The following KALRN variants were observed in gnomAD, a reference collection of about 807,000 sequenced individuals.
KALRN encodes kalirin RhoGEF kinase, also known as kalirin.
A neutral mutation model predicts 353.7 loss-of-function variants in KALRN; 70 were observed. The observed-to-expected ratio is 0.20, with a 90% CI of 0.16 to 0.24. KALRN has a LOEUF of 0.24. KALRN is among the 10% of genes least tolerant of loss of function. KALRN has a pLI of 1.00. For synonymous variants in KALRN, 1,391 were observed against 1,434.8 expected, an observed-to-expected ratio of 0.97 and a Z score of 0.69; for missense variants, 2,791 against 3,756.7, an observed-to-expected ratio of 0.74 and a Z score of 6.72.
intron 10 of KALRN, among the ~76,000 whole-genome samples, chr3:124,355,709 C>CT (rs3055894): frequency 0.11 from 10,895 of 96,524 alleles, 1,088 homozygotes; most frequent in African/African-American, 0.16. Flanking sequence ...TCTCTCCCAT[C>CT]TTTTTTTTTT....
chr3:124,699,900 G>C lies in KALRN; in HGVS notation c.7863G>C (p.Ser2621=). 1 of 1,614,166 alleles carries C rather than the reference G, an allele frequency of 6.2e-7. No individual in the cohort carries two copies. The highest frequency in any genetic ancestry group is 8.5e-7 in the Non-Finnish European group (1 of 1,180,026). ...GSQIWQQSVA[S]TLDTYLVIED... ...AGATCTGGCAGCAGTCAGTGGCTTCGACCTTGGACACTTACCTCGTCATCG... is the reference window on the plus strand; with the variant it reads ...AGATCTGGCAGCAGTCAGTGGCTTCCACCTTGGACACTTACCTCGTCATCG... Residue 2621 remains serine (S), a synonymous_variant, in exon 56 of 60, where the codon TCG becomes TCC. Transcript: ENST00000682506.
chr3:124,187,963 T>C (rs2074425856), intron 1 of KALRN, among the ~76,000 whole-genome samples: 1 of 152,186 alleles, frequency 6.6e-6, no homozygotes, highest in African/African-American at 2.4e-5. Context: ...TCCTCAACCC[T>C]GACTGCAAAT....
intron 15 of KALRN, among the ~76,000 whole-genome samples, chr3:124,423,608 G>C (rs1476293450): frequency 6.6e-6 from 1 of 152,214 alleles, no homozygotes; most frequent in Non-Finnish European, 1.5e-5. Flanking sequence ...AGGCATGGTG[G>C]TTCATGCCTG....
At chr3:124,104,404 A>C (rs1302491637) in intron 1 of KALRN, among the ~76,000 whole-genome samples, 2 of 152,238 alleles carry the variant, frequency 1.3e-5, no homozygotes, top group Non-Finnish European at 2.9e-5. Flanking sequence ...AAAGGAGAGA[A>C]CAGGGTTAAG....
intron 51 of KALRN, among the ~76,000 whole-genome samples, chr3:124,689,646 C>A (rs2061720867): frequency 6.6e-6 from 1 of 152,172 alleles, no homozygotes; most frequent in Non-Finnish European, 1.5e-5. Context: ...CCTGCACACA[C>A]CAGCAATGAC....
intron 33 of KALRN, among the ~76,000 whole-genome samples, chr3:124,540,554 T>G (rs751952378): frequency 6.6e-6 from 1 of 152,222 alleles, no homozygotes; most frequent in East Asian, 1.9e-4. Flanking sequence ...ATACACAATT[T>G]TGGAGAGCTG....
intron 1 of KALRN, among the ~76,000 whole-genome samples, chr3:124,063,453 G>A (rs1417739791): frequency 6.6e-6 from 1 of 152,170 alleles, no homozygotes; most frequent in African/African-American, 2.4e-5. Flanking sequence ...CCTGTACAGT[G>A]CTTACAAGGT....
At position 124,657,735 on chromosome 3, in the gene KALRN, T is replaced by A. The variant is rs1480241441; in HGVS notation, c.5968T>A (p.Phe1990Ile). Reference protein sequence around the residue: ...IHQIYDWHKDFFLAELEKCIQ... With the variant: ...IHQIYDWHKDIFLAELEKCIQ... ...CTCTTATCCCCTTTCTCCTTTTAGT[T>A]TTTTCCTGGCGGAACTGGAAAAGTG... Residue 1990 changes from phenylalanine to isoleucine, a missense_variant and splice_region_variant, in exon 41 of 60, where the codon TTT becomes ATT. Phe to Ile is a conservative substitution (Grantham distance 21). Transcript: ENST00000682506. 1 of 1,612,584 alleles carries A rather than the reference T, an allele frequency of 6.2e-7. No homozygotes were observed. The highest frequency in any genetic ancestry group is 1.7e-5 in the Admixed American group (1 of 59,988).
At chr3:124,561,812 C>T (rs2072049218) in intron 33 of KALRN, among the ~76,000 whole-genome samples, 1 of 152,186 alleles carries the variant, frequency 6.6e-6, no homozygotes, top group African/African-American at 2.4e-5. Flanking sequence ...CCGTTCCCTA[C>T]CTGTCACTCT....
chr3:124,036,188 G>A (rs1025885499), intron 1 of KALRN, among the ~76,000 whole-genome samples: 2 of 152,098 alleles, frequency 1.3e-5, no homozygotes, highest in Admixed American at 6.5e-5. Flanking sequence ...TACCTGATAG[G>A]TATTTTTTCT....
chr3:124,052,378 G>A (rs2041125132), intron 1 of KALRN, among the ~76,000 whole-genome samples: 1 of 152,072 alleles, frequency 6.6e-6, no homozygotes, highest in Non-Finnish European at 1.5e-5. Context: ...CCAAGTCTGT[G>A]TGCCTAAACA....
chr3:124,435,954 C>T (rs909290165), intron 17 of KALRN, among the ~76,000 whole-genome samples: 3 of 152,276 alleles, frequency 2.0e-5, no homozygotes, highest in Non-Finnish European at 2.9e-5. Flanking sequence ...AGTCACACTG[C>T]CTGATTTAAG....
chr3:124,440,013 T>A (rs890279193), intron 18 of KALRN, among the ~76,000 whole-genome samples: 4 of 152,200 alleles, frequency 2.6e-5, no homozygotes, highest in African/African-American at 9.7e-5. Context: ...ATTAGGGATT[T>A]TCTCTACTTG....
intron 10 of KALRN, among the ~76,000 whole-genome samples, chr3:124,353,342 A>G (rs1477377132): frequency 1.3e-5 from 2 of 152,140 alleles, no homozygotes; most frequent in East Asian, 1.9e-4. Flanking sequence ...CTGTGCCCTC[A>G]GAGTTGGACA....
intron 5 of KALRN, among the ~76,000 whole-genome samples, chr3:124,270,824 G>GTTTTTTTTTTTT (rs777615656): frequency 1.3e-5 from 1 of 78,652 alleles, no homozygotes; most frequent in Non-Finnish European, 2.4e-5. Context: ...TTTTTGTTTT[G>GTTTTTTTTTTTT]TTTTTTTTTT....
intron 26 of KALRN, 44 bp from the exon 27 acceptor site, chr3:124,477,201 A>G: frequency 1.4e-6 from 2 of 1,401,884 alleles, no homozygotes; most frequent in South Asian, 2.3e-5. Flanking sequence ...ACAGAAGGGA[A>G]CAACTAATGA....
At chr3:124,211,557 G>T (rs1282293061) in intron 1 of KALRN, among the ~76,000 whole-genome samples, 3 of 152,176 alleles carry the variant, frequency 2.0e-5, no homozygotes, top group Admixed American at 6.5e-5. Flanking sequence ...ACAGGTAAAA[G>T]GTACAGGCCC....
intron 33 of KALRN, among the ~76,000 whole-genome samples, chr3:124,515,287 TA>T (rs535388499): frequency 2.8e-4 from 42 of 152,266 alleles, no homozygotes; most frequent in Admixed American, 2.6e-3. Flanking sequence ...TGTACATGAA[TA>T]GGGGGAGATA....
chr3:124,708,007 G>A (rs1240265672), intron 57 of KALRN, among the ~76,000 whole-genome samples: 1 of 152,164 alleles, frequency 6.6e-6, no homozygotes, highest in Non-Finnish European at 1.5e-5. Context: ...ACTAATCTTT[G>A]TGTGGTGCTC....
Sources: gnomAD v4.1 joint callset for allele counts (sites outside exome capture counted in the v4.1 genomes callset) on GRCh38, gnomAD v4.1.1 for gene constraint, MANE v1.5 for transcripts, NCBI Gene and HGNC (gene_info 2026-07-23, HGNC 2026-07-21) for gene names.